The following IL1RAPL1 variants were observed in gnomAD, a reference collection of about 807,000 sequenced individuals.
IL1RAPL1 encodes interleukin 1 receptor accessory protein like 1, also known as interleukin-1 receptor accessory protein-like 1.
In IL1RAPL1, 3 loss-of-function variants were observed where a neutral mutation model predicts 48.4. The ratio of observed to expected loss-of-function variants is 0.06; its 90% confidence interval spans 0.03 to 0.16. The LOEUF (loss-of-function observed/expected upper bound fraction) is 0.16. Ranked by LOEUF, IL1RAPL1 falls within the 10% of genes least tolerant of loss-of-function variation. IL1RAPL1 has a pLI of 1.00. For missense variants in IL1RAPL1, 349 were observed against 530.6 expected (o/e 0.66, Z 3.36); for synonymous variants, 185 against 187.7 (o/e 0.99, Z 0.12).
intron 1 of IL1RAPL1, among the ~76,000 whole-genome samples, chrX:28,650,345 C>T (rs889811746): frequency 5.4e-5 from 6 of 111,063 alleles, no homozygotes; most frequent in Admixed American, 9.6e-5. Context: ...ACAATCATGG[C>T]GGGAGGCAAG....
intron 3 of IL1RAPL1, among the ~76,000 whole-genome samples, chrX:29,324,575 A>G (rs1388666476): frequency 8.9e-6 from 1 of 111,843 alleles, no homozygotes. Flanking sequence ...CAGGTAAGTT[A>G]GAGAATTTCT....
In IL1RAPL1 at chrX:28,903,541, G is replaced by A. The variant is rs189175926; in HGVS notation, c.82+114116G>A. 2.6e-3 allele frequency among the ~76,000 whole-genome samples: 287 copies of A among 109,325 alleles called. 1 individual carries two copies. The highest frequency in any genetic ancestry group is 8.9e-3 in the African/African-American group (267 of 29,965). The allele number at this position is 109,325 out of a possible 115,157, so 94.9% of individuals were successfully genotyped here. On this transcript the variant is annotated intron_variant, in intron 2 of 10. Transcript: ENST00000378993. ...CTACCACATGTCCACACGGCATTTC[G>A]TTCTTCTGCATGTAGTGTTAAAGAA... is the stretch of plus-strand genomic sequence containing the variant.
At chrX:29,004,097 G>A (rs773469853) in intron 2 of IL1RAPL1, among the ~76,000 whole-genome samples, 48 of 110,905 alleles carry the variant, frequency 4.3e-4, no homozygotes, top group Middle Eastern at 9.3e-3. Flanking sequence ...AGCCCAAATC[G>A]CACCACTACA....
intron 3 of IL1RAPL1, among the ~76,000 whole-genome samples, chrX:29,306,782 A>G (rs756017945): frequency 1.0e-5 from 1 of 97,925 alleles, no homozygotes; most frequent in African/African-American, 3.9e-5. Context: ...AATGGCATGA[A>G]CCCGGGAGGC....
intron 3 of IL1RAPL1, among the ~76,000 whole-genome samples, chrX:29,290,182 A>T (rs1053879464): frequency 1.8e-5 from 2 of 112,222 alleles, no homozygotes; most frequent in Non-Finnish European, 3.8e-5. Flanking sequence ...ATTGCTGCAG[A>T]TACTATGAAA....
intron 6 of IL1RAPL1, among the ~76,000 whole-genome samples, chrX:29,670,148 A>G (rs1202084130): frequency 9.0e-6 from 1 of 111,493 alleles, no homozygotes; most frequent in Non-Finnish European, 1.9e-5. Context: ...CTGTCCTTGA[A>G]TTTGTAATAA....
intron 6 of IL1RAPL1, among the ~76,000 whole-genome samples, chrX:29,797,992 A>G (rs1929786014): frequency 1.8e-5 from 2 of 112,254 alleles, no homozygotes; most frequent in South Asian, 7.4e-4. Context: ...CAACACAACT[A>G]AAGAACTTTG....
chrX:28,951,413 T>TAAAA (rs58992212), intron 2 of IL1RAPL1, among the ~76,000 whole-genome samples: 4 of 90,605 alleles, frequency 4.4e-5, no homozygotes, highest in African/African-American at 1.6e-4. Flanking sequence ...TGATAAATGG[T>TAAAA]AAAAAAAAAA....
intron 1 of IL1RAPL1, among the ~76,000 whole-genome samples, chrX:28,614,891 T>C (rs946500183): frequency 7.2e-5 from 8 of 110,647 alleles, no homozygotes; most frequent in Non-Finnish European, 1.5e-4. Flanking sequence ...TCTGTTTTTG[T>C]TTTTTGTTTT....
At chrX:29,500,583 C>G (rs12852043) in intron 5 of IL1RAPL1, among the ~76,000 whole-genome samples, 3 of 111,957 alleles carry the variant, frequency 2.7e-5, no homozygotes, top group Non-Finnish European at 3.8e-5. Context: ...TTCATCCATG[C>G]TGCTGAAAAT....
chrX:28,916,005 A>C (rs913871267), intron 2 of IL1RAPL1, among the ~76,000 whole-genome samples: 2 of 110,828 alleles, frequency 1.8e-5, no homozygotes, highest in African/African-American at 3.3e-5. Flanking sequence ...AAGTGAAATC[A>C]GCTACTTACA....
intron 6 of IL1RAPL1, among the ~76,000 whole-genome samples, chrX:29,706,201 T>G (rs1451802322): frequency 1.8e-5 from 2 of 111,967 alleles, no homozygotes; most frequent in Admixed American, 9.4e-5. Context: ...CCACAACATG[T>G]GGGAATTATG....
At chrX:29,511,162 C>T (rs983436755) in intron 5 of IL1RAPL1, among the ~76,000 whole-genome samples, 1 of 112,185 alleles carries the variant, frequency 8.9e-6, no homozygotes, top group East Asian at 2.8e-4. Context: ...CTTTACTTAG[C>T]TGTTCCTAGA....
chrX:29,468,793 C>A (rs1303596274), intron 5 of IL1RAPL1, among the ~76,000 whole-genome samples: 1 of 111,971 alleles, frequency 8.9e-6, no homozygotes, highest in Non-Finnish European at 1.9e-5. Context: ...AGCCAAGTTA[C>A]AATATCTTGG....
chrX:29,902,356 A>G (rs1932512888), intron 6 of IL1RAPL1, among the ~76,000 whole-genome samples: 1 of 110,987 alleles, frequency 9.0e-6, no homozygotes, highest in South Asian at 3.8e-4. Flanking sequence ...GAAAACAGCC[A>G]TCAAGAGCTA....
intron 5 of IL1RAPL1, among the ~76,000 whole-genome samples, chrX:29,533,717 G>A (rs1392172951): frequency 4.5e-5 from 5 of 112,147 alleles, no homozygotes; most frequent in Non-Finnish European, 9.4e-5. Context: ...CATCAGCCAT[G>A]TGTGAGGTTT....
At chrX:29,827,644 G>A (rs1289018055) in intron 6 of IL1RAPL1, among the ~76,000 whole-genome samples, 5 of 112,201 alleles carry the variant, frequency 4.5e-5, no homozygotes, top group Non-Finnish European at 7.5e-5. Context: ...GCACAAGAAG[G>A]TAAAAGCACA....
At chrX:29,855,104 G>C (rs994293730) in intron 6 of IL1RAPL1, among the ~76,000 whole-genome samples, 6 of 111,710 alleles carry the variant, frequency 5.4e-5, no homozygotes, top group Non-Finnish European at 1.1e-4. Flanking sequence ...GAATTTGGGG[G>C]ATTAGTATCC....
In IL1RAPL1 at chrX:29,699,891, A is replaced by G. The variant is rs1198130245; in HGVS notation, c.778+31387A>G. Among the ~76,000 whole-genome samples, 5 of 112,425 alleles carry G rather than the reference A, an allele frequency of 4.4e-5. No individual in the cohort carries two copies. In the Admixed American group the frequency reaches 4.7e-4, roughly 11 times the overall value. On this transcript the variant is annotated intron_variant, in intron 6 of 10. Transcript: ENST00000378993. ...CTTTTTGTTCATAAGTTGATTTTTA[A>G]AAATAGAAATATGGTAGGACAAATT...
Sources: gnomAD v4.1 joint callset for allele counts (sites outside exome capture counted in the v4.1 genomes callset) on GRCh38, gnomAD v4.1.1 for gene constraint, MANE v1.5 for transcripts, NCBI Gene and HGNC (gene_info 2026-07-23, HGNC 2026-07-21) for gene names.